Variants in IDE observed in about 807,000 individuals in gnomAD.
The protein encoded by IDE is insulin-degrading enzyme.
IDE carries 58 observed loss-of-function variants against 133.2 expected under a neutral mutation model. That is an observed-to-expected ratio of 0.44 (90% CI 0.35 to 0.54). The LOEUF (loss-of-function observed/expected upper bound fraction) is 0.54. Ranked by LOEUF, IDE falls within the 20% of genes least tolerant of loss-of-function variation. The pLI, the probability that IDE is intolerant of heterozygous loss-of-function variation, is 0.00. For synonymous variants in IDE, 396 were observed against 421.3 expected (o/e 0.94, Z 0.73); for missense variants, 981 against 1,234.0 (o/e 0.79, Z 3.07).
chr10:92,566,409 TCTCTCA>T (rs1260890040), intron 1 of IDE, among the ~76,000 whole-genome samples: 8 of 144,542 alleles, frequency 5.5e-5, no homozygotes, highest in African/African-American at 1.9e-4. Context: ...TCTCTCTCTC[TCTCTCA>T]CACACACACA....
intron 4 of IDE, among the ~76,000 whole-genome samples, chr10:92,530,371 T>C (rs1849859823): frequency 6.6e-6 from 1 of 151,992 alleles, no homozygotes. Context: ...TGTGGCTCAC[T>C]GCAGTTGAAC....
rs906180209 is a variant in IDE, at chr10:92,458,496, T to G, written c.2824-2065A>C. ...GGTTATAAATACTCTCTCTGTTTTT[T>G]TTTTTTTTTTTTTTTTTTTTTTTGA... On this transcript the variant is annotated intron_variant, in intron 22 of 24. Transcript: ENST00000265986. Among the ~76,000 whole-genome samples, 112 of 80,606 alleles carry G rather than the reference T, an allele frequency of 1.4e-3. 2 individuals are homozygous for G. The highest frequency in any genetic ancestry group is 3.8e-3 in the African/African-American group (105 of 27,458). The allele number at this position is 80,606 out of a possible 152,430, so 52.9% of individuals were successfully genotyped here.
intron 3 of IDE, among the ~76,000 whole-genome samples, chr10:92,533,649 A>C (rs868293162): frequency 6.6e-6 from 1 of 151,916 alleles, no homozygotes; most frequent in Non-Finnish European, 1.5e-5. Context: ...TATTTGAGTC[A>C]AATAATGAAT....
At chr10:92,469,019 T>C in intron 18 of IDE, 29 bp from the exon 19 acceptor site, 1 of 1,207,310 alleles carries the variant, frequency 8.3e-7, no homozygotes, top group South Asian at 1.2e-5. Flanking sequence ...CCCAGCATAT[T>C]ACAAAAACAT....
chr10:92,497,508 T>TAAG (rs2135493320), intron 11 of IDE, among the ~76,000 whole-genome samples: 1 of 152,350 alleles, frequency 6.6e-6, no homozygotes, highest in South Asian at 2.1e-4. Context: ...ATGGGGGTCT[T>TAAG]GGAACCAATC....
intron 18 of IDE, among the ~76,000 whole-genome samples, chr10:92,469,425 G>T (rs925867959): frequency 6.6e-6 from 1 of 151,898 alleles, no homozygotes; most frequent in African/African-American, 2.4e-5. Context: ...AGAGACCAAG[G>T]GATCTTTTCT....
In IDE at chr10:92,534,655, T is replaced by C. The variant is rs1850141858; in HGVS notation, c.414A>G (p.Ser138=). Residue 138 remains serine, a synonymous_variant, in exon 3 of 25, where the codon TCA becomes TCG. Coordinates refer to ENST00000265986, the MANE Select transcript of IDE (RefSeq NM_004969.4). ...SQFLSEHAGS[S]NAFTSGEHTN... ...TATGCTCTCCACTAGTAAAGGCATT[T>C]GAACTTCCTGCATGCTCACTGAGAA... is the stretch of plus-strand genomic sequence containing the variant. 6.2e-7 allele frequency: 1 copy of C among 1,613,788 alleles called. No homozygotes were observed. The highest frequency in any genetic ancestry group is 1.3e-5 in the African/African-American group (1 of 74,920).
chr10:92,492,056 C>T (rs1847384576), intron 11 of IDE, among the ~76,000 whole-genome samples: 2 of 151,938 alleles, frequency 1.3e-5, no homozygotes, highest in South Asian at 4.1e-4. Flanking sequence ...GTCAAGAGAT[C>T]GAGATCATCC....
chr10:92,486,695 G>A (rs1045405268), intron 13 of IDE, among the ~76,000 whole-genome samples: 1 of 152,102 alleles, frequency 6.6e-6, no homozygotes, highest in African/African-American at 2.4e-5. Flanking sequence ...GATGGGGAGG[G>A]AACCCTACTT....
rs546023494 is a variant in IDE at position 92,492,129 on chromosome 10, G to A, written c.1431-1534C>T. 9.1e-4 allele frequency among the ~76,000 whole-genome samples: 138 copies of A among 151,922 alleles called. 1 individual carries two copies. The Middle Eastern group carries it at 0.017, about 19-fold the overall frequency. ...CAAAAAATTAGCCGGGTGTGGTGGC[G>A]GGTGCCTATAGTACCAGCTACTTGG... On this transcript the variant is annotated intron_variant, in intron 11 of 24. Coordinates refer to ENST00000265986, the MANE Select transcript of IDE (RefSeq NM_004969.4).
chr10:92,492,872 T>C (rs1847446178), intron 11 of IDE, among the ~76,000 whole-genome samples: 1 of 152,340 alleles, frequency 6.6e-6, no homozygotes, highest in Admixed American at 6.5e-5. Flanking sequence ...CAAAATACTC[T>C]ACCTGGCTGA....
rs745444412 is a variant in IDE, at chr10:92,534,794, G to A, written c.284-9C>T. 2.8e-5 allele frequency: 45 copies of A among 1,600,588 alleles called. No homozygotes were observed. Among genetic ancestry groups the A allele is most frequent in the Non-Finnish European group, 3.8e-5 (45 of 1,169,750 alleles). On this transcript the variant is annotated splice_polypyrimidine_tract_variant and intron_variant, in intron 2 of 24. Transcript: ENST00000265986. ...AGGATCCGACAATGAACCTGAAAGA[G>A]AAAACACGTATATAATAAATCATTG...
chr10:92,463,543 T>G (rs1027353814), intron 21 of IDE, among the ~76,000 whole-genome samples, 188 bp downstream of exon 21: 2 of 152,124 alleles, frequency 1.3e-5, no homozygotes, highest in Admixed American at 1.3e-4. Context: ...AAAAAAGAGA[T>G]AAGGTTTCTA....
intron 9 of IDE, 110 bp downstream of exon 9, chr10:92,507,465 T>C: frequency 1.4e-6 from 1 of 718,528 alleles, no homozygotes; most frequent in South Asian, 1.6e-5. Context: ...AGACTTCAGT[T>C]AGGAAAAAAA....
intron 5 of IDE, among the ~76,000 whole-genome samples, chr10:92,510,689 A>G (rs573188802): frequency 6.6e-6 from 1 of 151,408 alleles, no homozygotes; most frequent in African/African-American, 2.4e-5. Flanking sequence ...GATATATATC[A>G]CATACATCTC....
At chr10:92,540,955 G>T (rs1276524075) in intron 1 of IDE, among the ~76,000 whole-genome samples, 1 of 152,150 alleles carries the variant, frequency 6.6e-6, no homozygotes, top group South Asian at 2.1e-4. Flanking sequence ...ATTTGCAAAT[G>T]ATCAGAATCC....
At chr10:92,471,802 G>A (rs961842497) in intron 17 of IDE, among the ~76,000 whole-genome samples, 2 of 152,136 alleles carry the variant, frequency 1.3e-5, no homozygotes, top group Non-Finnish European at 2.9e-5. Flanking sequence ...GGGTTCAAGC[G>A]ATTCTCCTGC....
At chr10:92,554,517 T>A (rs996838952) in intron 1 of IDE, among the ~76,000 whole-genome samples, 1 of 133,740 alleles carries the variant, frequency 7.5e-6, no homozygotes, top group Non-Finnish European at 1.5e-5. Context: ...TGCACTCCAA[T>A]CAGGCTGACA....
At chr10:92,564,479 C>T (rs1278999951) in intron 1 of IDE, among the ~76,000 whole-genome samples, 3 of 151,840 alleles carry the variant, frequency 2.0e-5, no homozygotes, top group East Asian at 3.9e-4. Flanking sequence ...GGAGACCAGC[C>T]TGGCCAACAT....
Sources: allele counts gnomAD v4.1 joint callset (sites outside exome capture counted in the v4.1 genomes callset), GRCh38; gene constraint gnomAD v4.1.1; transcripts MANE v1.5; gene names NCBI Gene and HGNC (gene_info 2026-07-23, HGNC 2026-07-21).